Variants in LY9 observed in about 807,000 individuals in gnomAD.
LY9 encodes the protein lymphocyte antigen 9, also known as T-lymphocyte surface antigen Ly-9.
In LY9, 59 loss-of-function variants were observed where a neutral mutation model predicts 64.6. The ratio of observed to expected loss-of-function variants is 0.91; its 90% CI spans 0.74 to 1.13. The LOEUF (loss-of-function observed/expected upper bound fraction) is 1.13. LY9 is among the 50% of genes most tolerant of loss of function. The pLI is 0.00. For missense variants in LY9, 789 were observed against 797.2 expected, an observed-to-expected ratio of 0.99 and a Z score of 0.12; for synonymous variants, 281 against 308.5, an observed-to-expected ratio of 0.91 and a Z score of 0.93.
intron 2 of LY9, chr1:160,813,308 T>C (rs1667663853): frequency 3.0e-6 from 1 of 333,490 alleles, no homozygotes; most frequent in Non-Finnish European, 5.5e-6. Context: ...TGAACATTCA[T>C]GAGTGTTTTT....
intron 4 of LY9, among the ~76,000 whole-genome samples, chr1:160,815,617 C>T (rs1263584642): frequency 1.3e-5 from 2 of 152,128 alleles, no homozygotes; most frequent in East Asian, 3.9e-4. Flanking sequence ...AAACTCCTGA[C>T]CTCAGGTGAT....
chr1:160,826,570 A>G (rs1668864074), intron 9 of LY9, among the ~76,000 whole-genome samples: 1 of 152,254 alleles, frequency 6.6e-6, no homozygotes. Flanking sequence ...TTACTTGACT[A>G]CTTAATAAAT....
intron 7 of LY9, among the ~76,000 whole-genome samples, chr1:160,819,795 A>G (rs1480871996): frequency 2.1e-5 from 3 of 144,024 alleles, no homozygotes; most frequent in East Asian, 4.1e-4. Context: ...TGTCTCAAAA[A>G]AAAAAAAAAA....
At position 160,800,019 on chromosome 1, in the gene LY9, G is replaced by A. The variant is rs1430620810; in HGVS notation, c.391G>A (p.Ala131Thr). The change falls in exon 2 of 10, where the codon GCC becomes ACC. Residue 131 changes from alanine to threonine, a missense_variant. Physicochemically the swap from Ala to Thr is moderately conservative, Grantham distance 58. Coordinates refer to ENST00000263285, the MANE Select transcript of LY9 (RefSeq NM_002348.4). ...LTLNDAGSYK[A>T]QINQRNFEVT... ...TCTGAATGATGCAGGATCCTACAAA[G>A]CCCAGATAAACCAAAGGAATTTTGA... 2 of 1,614,056 alleles carry A rather than the reference G, an allele frequency of 1.2e-6. No homozygotes were observed. The highest frequency in any genetic ancestry group is 1.7e-6 in the Non-Finnish European group (2 of 1,180,028).
Position 160,813,640 on chromosome 1 carries a change from G to C in LY9, c.459G>C (p.Gln153His). 6.2e-7 allele frequency: 1 copy of C among 1,613,142 alleles called. No individual in the cohort carries two copies. Among genetic ancestry groups the C allele is most frequent in the Non-Finnish European group, 8.5e-7 (1 of 1,179,358 alleles). The change falls in exon 3 of 10, where the codon CAG becomes CAC. Residue 153 changes from glutamine to histidine, a missense_variant. Coordinates refer to ENST00000263285, the MANE Select transcript of LY9 (RefSeq NM_002348.4). ...CCCATGCTGTTGTCCCTGCAGAGCA[G>C]CTGCAGGAGCCCCAAGTCACCATGA... ...EEEFTLFVYEQLQEPQVTMKS... is the reference protein window; with the variant it reads ...EEEFTLFVYEHLQEPQVTMKS...
intron 7 of LY9, among the ~76,000 whole-genome samples, chr1:160,821,164 A>AAAAC (rs1668412422): frequency 6.6e-6 from 1 of 150,836 alleles, no homozygotes; most frequent in African/African-American, 2.5e-5. Context: ...AAAAAAAAAA[A>AAAAC]AAAAACCATA....
At chr1:160,824,979 C>CAAAAAAAA (rs60603957) in intron 9 of LY9, among the ~76,000 whole-genome samples, 7 of 59,440 alleles carry the variant, frequency 1.2e-4, no homozygotes, top group African/African-American at 1.7e-4. Context: ...GACTCCATCT[C>CAAAAAAAA]AAAAAAAAAA....
At chr1:160,824,591 T>G in intron 9 of LY9, 3 of 984,308 alleles carry the variant, frequency 3.0e-6, no homozygotes, top group Non-Finnish European at 3.6e-6. Context: ...AAATGACAAC[T>G]TCTCAAAACC....
At chr1:160,813,446 C>A in intron 2 of LY9, 190 bp from the exon 3 acceptor site, 1 of 604,336 alleles carries the variant, frequency 1.7e-6, no homozygotes, top group Non-Finnish European at 2.9e-6. Context: ...GGTGATAACA[C>A]CTGTAGCGGA....
At chr1:160,807,997 G>A (rs892149718) in intron 2 of LY9, among the ~76,000 whole-genome samples, 2 of 152,140 alleles carry the variant, frequency 1.3e-5, no homozygotes, top group Non-Finnish European at 2.9e-5. Flanking sequence ...GACAGTAGCC[G>A]CCACCGTGAG....
At chr1:160,825,300 G>A (rs1236503848) in intron 9 of LY9, among the ~76,000 whole-genome samples, 3 of 151,760 alleles carry the variant, frequency 2.0e-5, no homozygotes, top group Non-Finnish European at 4.4e-5. Flanking sequence ...AAGTTTTGCA[G>A]TTACAATACC....
intron 1 of LY9, chr1:160,797,159 G>C (rs1178285083): frequency 1.0e-6 from 1 of 985,406 alleles, no homozygotes; most frequent in Non-Finnish European, 1.2e-6. Flanking sequence ...GAACCCCACT[G>C]TCCAGCAGAT....
chr1:160,809,192 CT>C (rs71090327), intron 2 of LY9, among the ~76,000 whole-genome samples: 16 of 111,674 alleles, frequency 1.4e-4, no homozygotes, highest in South Asian at 3.2e-4. Flanking sequence ...TATATGCATT[CT>C]TTTTTTTTTT....
chr1:160,812,774 T>C (rs1373966168), intron 2 of LY9: 1 of 152,210 alleles, frequency 6.6e-6, no homozygotes, highest in African/African-American at 2.4e-5. Flanking sequence ...TTTTTTTTAA[T>C]GTATTACCTA....
chr1:160,825,111 A>T (rs1204509733), intron 9 of LY9, among the ~76,000 whole-genome samples: 3 of 151,812 alleles, frequency 2.0e-5, no homozygotes, highest in Non-Finnish European at 2.9e-5. Context: ...AGGACACTTA[A>T]GTGGGAGGAC....
chr1:160,798,472 G>T lies in LY9; in HGVS notation c.125-1281G>T, dbSNP rs573593099. Among the ~76,000 whole-genome samples the T allele has an allele frequency of 2.0e-5, 3 of 152,180 alleles. No individual in the cohort carries two copies. In the South Asian group the frequency reaches 6.2e-4, roughly 32 times the overall value. ...AGTACCTAATGCACACATAGCAATC[G>T]TAAGCAGTCTCTTCCAGATGGGAAG... On this transcript the variant is annotated intron_variant, in intron 1 of 9. Transcript: ENST00000263285.
rs749271430 is a variant in LY9 at position 160,816,878 on chromosome 1, C to T, written c.1342+15C>T. ...CATCTGTTCAGGTTTCTCTCCATCT[C>T]TATTTACTCAGGTCACAGGACCTTG... On this transcript the variant is annotated intron_variant, in intron 5 of 9. Coordinates refer to ENST00000263285, the MANE Select transcript of LY9 (RefSeq NM_002348.4). 6.2e-7 allele frequency: 1 copy of T among 1,613,886 alleles called. No individual in the cohort carries two copies. The highest frequency in any genetic ancestry group is 8.5e-7 in the Non-Finnish European group (1 of 1,179,784).
chr1:160,800,147 T>G (rs996798994), intron 2 of LY9, 65 bp downstream of exon 2: 2 of 1,338,456 alleles, frequency 1.5e-6, no homozygotes, highest in Non-Finnish European at 2.1e-6. Context: ...ATTTATGGGG[T>G]ATGTGTGAAA....
intron 2 of LY9, among the ~76,000 whole-genome samples, chr1:160,808,921 A>G (rs901522666): frequency 3.3e-5 from 5 of 152,160 alleles, no homozygotes; most frequent in African/African-American, 4.8e-5. Context: ...ACCTAATTCC[A>G]TATACACAGA....
Sources: gnomAD v4.1 joint callset for allele counts (sites outside exome capture counted in the v4.1 genomes callset) on GRCh38, gnomAD v4.1.1 for gene constraint, MANE v1.5 for transcripts, NCBI Gene and HGNC (gene_info 2026-07-23, HGNC 2026-07-21) for gene names.